Variants in PKM observed in about 807,000 individuals in gnomAD.
PKM encodes pyruvate kinase M1/2.
Under a neutral mutation model 49.8 loss-of-function variants are expected in PKM, and 18 were observed. The observed-to-expected ratio is 0.36, with a 90% CI of 0.25 to 0.54. The LOEUF (loss-of-function observed/expected upper bound fraction) is 0.54. Ranked by LOEUF, PKM falls within the 20% of genes least tolerant of loss-of-function variation. The pLI, the probability that PKM is intolerant of heterozygous loss-of-function variation, is 0.89. For missense variants in PKM, 508 were observed against 713.8 expected (o/e 0.71, Z 3.28); for synonymous variants, 239 against 261.8 (o/e 0.91, Z 0.84).
chr15:72,217,897 T>G (rs2140737945), intron 2 of PKM, among the ~76,000 whole-genome samples: 1 of 152,382 alleles, frequency 6.6e-6, no homozygotes, highest in South Asian at 2.1e-4. Flanking sequence ...AAATTTTGCC[T>G]ATAGCATAAA....
intron 2 of PKM, among the ~76,000 whole-genome samples, chr15:72,218,205 A>G (rs746953739): frequency 2.6e-5 from 4 of 151,670 alleles, no homozygotes; most frequent in Non-Finnish European, 4.4e-5. Flanking sequence ...GCTCACTGCA[A>G]CCTCCGCCTC....
chr15:72,224,561 G>GACC (rs1415683447), intron 1 of PKM, among the ~76,000 whole-genome samples: 1 of 152,108 alleles, frequency 6.6e-6, no homozygotes, highest in East Asian at 1.9e-4. Flanking sequence ...ACCCAGAACT[G>GACC]ACCATTAACA....
At chr15:72,205,591 A>G (rs527904747) in intron 8 of PKM, among the ~76,000 whole-genome samples, 15 of 151,134 alleles carry the variant, frequency 9.9e-5, no homozygotes, top group African/African-American at 3.6e-4. Context: ...GTGAAAAAGG[A>G]AAGGAAGATG....
chr15:72,219,280 A>G (rs915165738), intron 1 of PKM, 170 bp from the exon 2 acceptor site: 18 of 610,604 alleles, frequency 2.9e-5, no homozygotes, highest in African/African-American at 2.2e-4. Context: ...TCATGTTAGA[A>G]AAAGGGTTCA....
rs8192431 is a variant in PKM at position 72,200,011 on chromosome 15, G to A, written c.1490-255C>T. On this transcript the variant is annotated intron_variant, in intron 10 of 10. Coordinates refer to ENST00000335181, the MANE Select transcript of PKM (RefSeq NM_002654.6). This position sits in a 1 kb window ranked among gnomAD's most constrained non-coding sequence, Gnocchi z 4.6. ...GGAGAGGGTGCAAAGCCTTGCCCAG[G>A]GTCAGAGCTAGCTGCTTCCTGTCAT... 0.2 allele frequency among the ~76,000 whole-genome samples: 30,322 copies of A among 151,996 alleles called. 3,251 individuals are homozygous for A. Among genetic ancestry groups the A allele is most frequent in the East Asian group, 0.41 (2,122 of 5,164 alleles).
chr15:72,209,022 T>C, intron 5 of PKM, 131 bp from the exon 6 acceptor site: 1 of 956,812 alleles, frequency 1.0e-6, no homozygotes, highest in South Asian at 1.4e-5. Flanking sequence ...TTTACCAGAG[T>C]TGAAAACCTA....
At position 72,206,525 on chromosome 15, in the gene PKM, G is replaced by T. The variant is rs186446803; in HGVS notation, c.1140+203C>A. 3.4e-4 allele frequency: 198 copies of T among 587,314 alleles called. 1 individual carries two copies. Among genetic ancestry groups the T allele is most frequent in the Admixed American group, 2.2e-3 (73 of 33,462 alleles). 36.4% of individuals were successfully genotyped at this position (587,314 alleles called of 1,614,324 possible). ...CAGAGCAGAAGGAAATGGAGGGGTG[G>T]GGGTGTGGGCAGGAATGCAGAACAG... is the stretch of plus-strand genomic sequence containing the variant. On this transcript the variant is annotated intron_variant, in intron 8 of 10. Coordinates refer to ENST00000335181, the MANE Select transcript of PKM (RefSeq NM_002654.6).
chr15:72,199,651 C>T lies in PKM; in HGVS notation c.1595G>A (p.Ter532=). The T allele has an allele frequency of 6.2e-7, 1 of 1,611,448 alleles. No homozygotes were observed. Among genetic ancestry groups the T allele is most frequent in the East Asian group, 2.2e-5 (1 of 44,874 alleles). The change falls in exon 11 of 11, where the codon TGA becomes TAA. Residue 532 remains the stop codon, a stop_retained_variant. Transcript: ENST00000335181. The part of the protein sequence containing the change: ...TNTMRVVPVP[*] ...CTGGAGGAGGGGCTCTGGGGTCCAT[C>T]ACGGCACAGGAACAACACGCATGGT...
chr15:72,230,264 G>A (rs1320599995), intron 1 of PKM, among the ~76,000 whole-genome samples: 2 of 152,164 alleles, frequency 1.3e-5, no homozygotes, highest in African/African-American at 4.8e-5. Flanking sequence ...AGCGGGGCAG[G>A]CCAACGTTAC....
At position 72,231,080 on chromosome 15, in the gene PKM, G is replaced by A. The variant is rs1283183204; in HGVS notation, c.-14+36C>T. The A allele has an allele frequency of 5.2e-6, 3 of 578,598 alleles. No individual in the cohort carries two copies. The African/African-American group carries it at 5.7e-5, about 11-fold the overall frequency. 35.8% of individuals were successfully genotyped at this position (578,598 alleles called of 1,614,324 possible). A position where few individuals can be genotyped will look rare whatever the true frequency, so the allele number is the denominator to read the frequency against. On this transcript the variant is annotated intron_variant, in intron 1 of 10. Coordinates refer to ENST00000335181, the MANE Select transcript of PKM (RefSeq NM_002654.6). ...GCACTAGCCGGGCGACTGGCCCTTG[G>A]TGGGGACTGATGGCGTAGCCTCCTG...
chr15:72,220,405 A>C (rs994203089), intron 1 of PKM, among the ~76,000 whole-genome samples: 4 of 152,118 alleles, frequency 2.6e-5, no homozygotes. Flanking sequence ...GCTCGAGTAG[A>C]GTATACATCT....
rs760211346 is a variant in PKM at position 72,206,741 on chromosome 15, C to A, written c.1127G>T (p.Arg376Leu). 3 of 1,613,134 alleles carry A rather than the reference C, an allele frequency of 1.9e-6. No individual in the cohort carries two copies. The highest frequency in any genetic ancestry group is 2.2e-5 in the South Asian group (2 of 91,044). ...AKGDYPLEAV[R>L]MQHLIAREAE... ...CCCAGAACTCACCAGGTGCTGCATG[C>A]GCACAGCCTCCAGAGGATAGTCCCC... Residue 376 changes from arginine (R) to leucine (L), a missense_variant, in exon 8 of 11, where the codon CGC becomes CTC. Transcript: ENST00000335181.
intron 1 of PKM, among the ~76,000 whole-genome samples, chr15:72,229,891 TA>T (rs2082797975): frequency 6.9e-6 from 1 of 145,522 alleles, no homozygotes; most frequent in Non-Finnish European, 1.5e-5. Context: ...ACGCATTTGT[TA>T]AAAAATGTGC....
chr15:72,221,924 CAA>C (rs10706808), intron 1 of PKM, among the ~76,000 whole-genome samples: 3,628 of 109,924 alleles, frequency 0.033, 125 homozygotes, highest in African/African-American at 0.11. Flanking sequence ...AACCTCAAAG[CAA>C]AAAAAAAAAA....
At chr15:72,209,396 A>AATACATATATATATATATATATATATAT (rs1268011418) in intron 5 of PKM, 4 of 78,978 alleles carry the variant, frequency 5.1e-5, no homozygotes, top group African/African-American at 2.4e-4. Context: ...CAGCGAAACA[A>AATACATATATATATATATATATATATAT]ATATATATAT....
Position 72,202,894 on chromosome 15 carries a change from G to T in PKM, c.1141-274C>A. 1.0e-6 allele frequency: 1 copy of T among 997,244 alleles called. No homozygotes were observed. Among genetic ancestry groups the T allele is most frequent in the Non-Finnish European group, 1.6e-6 (1 of 636,660 alleles). The allele number at this position is 997,244 out of a possible 1,614,324, so 61.8% of individuals were successfully genotyped here. On this transcript the variant is annotated intron_variant, in intron 8 of 10. Transcript: ENST00000335181. This position sits in a 1 kb window ranked among gnomAD's most constrained non-coding sequence, Gnocchi z 4.5. ...GTCCTGCCCTGCCATGACCTCCCTG[G>T]CGGTGTTCCTACAGACGAGAAGAGG...
intron 1 of PKM, 197 bp downstream of exon 1, chr15:72,230,919 G>T (rs1453780332): frequency 3.1e-6 from 4 of 1,287,044 alleles, no homozygotes; most frequent in Non-Finnish European, 4.0e-6. Flanking sequence ...AAGGAACGGC[G>T]CTGGGGACTT....
chr15:72,205,099 G>A (rs2082038576), intron 8 of PKM, among the ~76,000 whole-genome samples: 1 of 148,280 alleles, frequency 6.7e-6, no homozygotes, highest in Non-Finnish European at 1.5e-5. Context: ...ACTCTCTACC[G>A]ATTTTTTTGT....
At chr15:72,217,350 A>T in intron 3 of PKM, 59 bp downstream of exon 3, 1 of 1,002,366 alleles carries the variant, frequency 1.0e-6, no homozygotes, top group South Asian at 1.3e-5. Context: ...CGAACACTGC[A>T]CCCCCTCCCT....
Sources: gnomAD v4.1 joint callset for allele counts (sites outside exome capture counted in the v4.1 genomes callset) on GRCh38, gnomAD v4.1.1 for gene constraint, Gnocchi (gnomAD v3.1) non-coding constraint, MANE v1.5 for transcripts, NCBI Gene and HGNC (gene_info 2026-07-23, HGNC 2026-07-21) for gene names.